The following CASK variants were observed in gnomAD, a reference collection of about 807,000 sequenced individuals.
CASK encodes calcium/calmodulin dependent serine protein kinase, also known as peripheral plasma membrane protein CASK.
CASK carries 4 observed loss-of-function variants against 82.9 expected under a neutral mutation model. The observed-to-expected ratio is 0.05, with a 90% CI of 0.02 to 0.11. CASK has a LOEUF of 0.11. CASK is among the 10% of genes least tolerant of loss of function. The probability of loss-of-function intolerance (pLI) is 1.00; values close to 1 mark genes in which losing one functional copy is unlikely to be tolerated. For missense variants in CASK, 358 were observed against 720.9 expected (o/e 0.50, Z 5.76); for synonymous variants, 259 against 253.5 (o/e 1.02, Z -0.20).
At chrX:41,671,200 T>C (rs762530970) in intron 6 of CASK, among the ~76,000 whole-genome samples, 1 of 112,178 alleles carries the variant, frequency 8.9e-6, no homozygotes, top group Non-Finnish European at 1.9e-5. Context: ...GTCTCTTAAG[T>C]ACTGGAGGTA....
intron 24 of CASK, among the ~76,000 whole-genome samples, chrX:41,533,085 A>C (rs1020747488): frequency 8.9e-5 from 10 of 111,933 alleles, no homozygotes; most frequent in African/African-American, 3.3e-4. Context: ...TGCTGGGATT[A>C]TAGGTGTGAG....
Position 41,531,001 on chromosome X carries a change from C to G in CASK, c.2520+6G>C, listed in dbSNP as rs372839268. The G allele has an allele frequency of 1.7e-6, 2 of 1,201,840 alleles. No individual in the cohort carries two copies. Among genetic ancestry groups the G allele is most frequent in the African/African-American group, 3.5e-5 (2 of 56,924 alleles). On this transcript the variant is annotated splice_donor_region_variant and intron_variant, in intron 25 of 26. Coordinates refer to ENST00000378163, the MANE Select transcript of CASK (RefSeq NM_001367721.1). ...ATGTCAGACATTCGGGGAGGCTGGG[C>G]ATTACCTGAGGCTCCACGTCCAGTA...
intron 3 of CASK, among the ~76,000 whole-genome samples, chrX:41,766,814 G>A (rs1191904050): frequency 9.0e-6 from 1 of 111,532 alleles, no homozygotes; most frequent in Non-Finnish European, 1.9e-5. Flanking sequence ...TTGAACCTGG[G>A]AGGTGGAGGT....
At chrX:41,799,282 G>A (rs188186940) in intron 2 of CASK, among the ~76,000 whole-genome samples, 77 of 112,441 alleles carry the variant, frequency 6.8e-4, no homozygotes, top group Non-Finnish European at 1.2e-3. Flanking sequence ...GCTCACGCCT[G>A]TAATCCCAGC....
intron 5 of CASK, among the ~76,000 whole-genome samples, chrX:41,738,014 G>A (rs772609068): frequency 9.7e-5 from 11 of 112,912 alleles, no homozygotes; most frequent in African/African-American, 2.3e-4. Context: ...TCGCTCTGTC[G>A]CCCAGGCTGG....
intron 3 of CASK, among the ~76,000 whole-genome samples, chrX:41,779,409 T>C (rs2069428375): frequency 8.9e-6 from 1 of 112,120 alleles, no homozygotes; most frequent in Non-Finnish European, 1.9e-5. Context: ...CTGATTTCTC[T>C]TTATATCCTT....
At chrX:41,676,494 T>C (rs2067267198) in intron 5 of CASK, 12 of 1,191,109 alleles carry the variant, frequency 1.0e-5, no homozygotes, top group East Asian at 8.9e-5. Context: ...TTTTTATCCA[T>C]GACTGGATGT....
At chrX:41,611,885 G>T (rs1463916920) in intron 11 of CASK, among the ~76,000 whole-genome samples, 16 of 111,270 alleles carry the variant, frequency 1.4e-4, no homozygotes, top group African/African-American at 5.2e-4. Context: ...TTTTTTGGTG[G>T]AGACGGGGTT....
chrX:41,769,720 G>A (rs1321714940), intron 3 of CASK, among the ~76,000 whole-genome samples: 1 of 111,223 alleles, frequency 9.0e-6, no homozygotes, highest in Non-Finnish European at 1.9e-5. Flanking sequence ...GAGGCAGGAT[G>A]ATTCCTTGAG....
chrX:41,781,493 A>AT (rs2069474873), intron 3 of CASK, among the ~76,000 whole-genome samples: 1 of 111,928 alleles, frequency 8.9e-6, no homozygotes, highest in Non-Finnish European at 1.9e-5. Context: ...ATTTTATTTT[A>AT]TTTTTTTGCC....
chrX:41,691,445 T>C (rs1317927921), intron 5 of CASK, among the ~76,000 whole-genome samples: 1 of 111,877 alleles, frequency 8.9e-6, no homozygotes, highest in African/African-American at 3.2e-5. Flanking sequence ...ATACTGCTGA[T>C]AGAACTCAAT....
intron 3 of CASK, among the ~76,000 whole-genome samples, chrX:41,745,820 C>T (rs1380671781): frequency 3.6e-5 from 4 of 111,709 alleles, no homozygotes; most frequent in African/African-American, 1.3e-4. Context: ...GAAGAGTAGG[C>T]TAACAGTAAT....
intron 12 of CASK, among the ~76,000 whole-genome samples, chrX:41,605,139 A>C (rs780569785): frequency 1.8e-5 from 2 of 112,054 alleles, no homozygotes; most frequent in Non-Finnish European, 3.8e-5. Context: ...GTCAGCCTTA[A>C]AATTATGGCT....
At chrX:41,633,050 AAAAAAAAATAAT>A (rs2066497553) in intron 9 of CASK, among the ~76,000 whole-genome samples, 1 of 100,519 alleles carries the variant, frequency 9.9e-6, no homozygotes, top group African/African-American at 3.4e-5. Context: ...TCAAAAAAAA[AAAAAAAAATAAT>A]AATAATAATA....
At chrX:41,662,342 C>T (rs749476996) in intron 7 of CASK, among the ~76,000 whole-genome samples, 2 of 111,092 alleles carry the variant, frequency 1.8e-5, no homozygotes, top group South Asian at 7.7e-4. Context: ...TCCAGTGAAA[C>T]AGTATTTTCT....
intron 3 of CASK, among the ~76,000 whole-genome samples, chrX:41,764,249 T>C (rs1157269749): frequency 1.8e-5 from 2 of 110,791 alleles, no homozygotes; most frequent in Non-Finnish European, 3.8e-5. Flanking sequence ...GCTGTCGTGA[T>C]TTTCTATCTC....
chrX:41,840,924 G>A (rs1003532142), intron 2 of CASK, among the ~76,000 whole-genome samples: 13 of 111,732 alleles, frequency 1.2e-4, no homozygotes, highest in Admixed American at 1.9e-4. Flanking sequence ...TGTAATATTC[G>A]TTTTGTTTAC....
intron 12 of CASK, among the ~76,000 whole-genome samples, chrX:41,601,613 G>A (rs1171088782): frequency 9.0e-6 from 1 of 111,523 alleles, no homozygotes; most frequent in Non-Finnish European, 1.9e-5. Context: ...CTAGTGGGAT[G>A]ATAGTAAATT....
Position 41,889,275 on chromosome X carries a change from G to C in CASK, c.59+33655C>G, listed in dbSNP as rs2072118792. 2.7e-5 allele frequency among the ~76,000 whole-genome samples: 3 copies of C among 109,827 alleles called. No homozygotes were observed. The South Asian group carries it at 1.2e-3, about 42-fold the overall frequency. ...ATTTACATTCCCACCAACAGTGTAA[G>C]AGTGTTCCCTTTTCACCAAATCCAT... On this transcript the variant is annotated intron_variant, in intron 1 of 26. Coordinates refer to ENST00000378163, the MANE Select transcript of CASK (RefSeq NM_001367721.1).
Sources: gnomAD v4.1 joint callset for allele counts (sites outside exome capture counted in the v4.1 genomes callset) on GRCh38, gnomAD v4.1.1 for gene constraint, MANE v1.5 for transcripts, NCBI Gene and HGNC (gene_info 2026-07-23, HGNC 2026-07-21) for gene names.